NUP62: variants seen among roughly 807,000 people sequenced by gnomAD.
NUP62 encodes the protein nuclear pore glycoprotein p62.
For missense variants in NUP62, 647 were observed against 689.4 expected (o/e 0.94, Z 0.69); for synonymous variants, 305 against 303.4 (o/e 1.01, Z -0.05).
rs766278481 is a variant in NUP62 at position 49,908,332 on chromosome 19, C to T, written c.1476G>A (p.Ser492=). The change falls in exon 3 of 3, where the codon TCG becomes TCA. Residue 492 remains serine, a synonymous_variant. Coordinates refer to ENST00000352066, the MANE Select transcript of NUP62 (RefSeq NM_016553.5). ...CCTCCACCTTCCTCTGCAGCAGGGC[C>T]GAGTTCTGGTCGATCCACTGCAGTG... ...MDSLQWIDQN[S]ALLQRKVEEV... is the part of the protein sequence containing the mutation. 7 of 1,614,112 alleles carry T rather than the reference C, an allele frequency of 4.3e-6. No individual in the cohort carries two copies. The highest frequency in any genetic ancestry group is 1.1e-5 in the South Asian group (1 of 91,088).
intron 2 of NUP62, among the ~76,000 whole-genome samples, chr19:49,924,983 C>T (rs1293043607): frequency 6.6e-6 from 1 of 152,210 alleles, no homozygotes; most frequent in East Asian, 1.9e-4. Flanking sequence ...CACACCGGGC[C>T]AGGCGCGGTG....
intron 2 of NUP62, among the ~76,000 whole-genome samples, chr19:49,917,031 G>C (rs2122687873): frequency 6.6e-6 from 1 of 152,384 alleles, no homozygotes; most frequent in Admixed American, 6.5e-5. Flanking sequence ...AGACGGACAG[G>C]GTGCGGAGCT....
intron 2 of NUP62, among the ~76,000 whole-genome samples, chr19:49,914,843 A>G (rs1029983113): frequency 9.5e-5 from 14 of 147,020 alleles, no homozygotes; most frequent in Non-Finnish European, 1.5e-4. Flanking sequence ...GGGTTCAAGC[A>G]ATTCTCCCAC....
At chr19:49,910,481 C>T (rs983060129) in intron 2 of NUP62, among the ~76,000 whole-genome samples, 4 of 152,168 alleles carry the variant, frequency 2.6e-5, no homozygotes, top group Non-Finnish European at 5.9e-5. Flanking sequence ...GTCTGAAACC[C>T]ATGTGCTCAG....
chr19:49,919,834 A>C (rs1287660066), intron 2 of NUP62, among the ~76,000 whole-genome samples: 1 of 151,870 alleles, frequency 6.6e-6, no homozygotes, highest in African/African-American at 2.4e-5. Context: ...TTTGAGGAAT[A>C]CTCTGGTGCC....
chr19:49,924,989 C>T (rs1204679141), intron 2 of NUP62, among the ~76,000 whole-genome samples: 4 of 152,166 alleles, frequency 2.6e-5, no homozygotes, highest in African/African-American at 4.8e-5. Context: ...GGGCCAGGCG[C>T]GGTGGTTCAC....
Position 49,920,967 on chromosome 19 carries a change from G to A in NUP62, c.-78+6727C>T, listed in dbSNP as rs113474381. ...GCCCAGGCCGGGCTGTGGTGGAGACGGTTGCTATGGAGGTTTCTCTGGGAA... is the reference window on the plus strand; with the variant it reads ...GCCCAGGCCGGGCTGTGGTGGAGACAGTTGCTATGGAGGTTTCTCTGGGAA... On this transcript the variant is annotated intron_variant, in intron 2 of 2. Transcript: ENST00000352066. Among the ~76,000 whole-genome samples the A allele has an allele frequency of 3.3e-5, 5 of 152,278 alleles. 1 individual carries two copies. Among genetic ancestry groups the A allele is most frequent in the South Asian group, 2.1e-4 (1 of 4,820 alleles).
intron 2 of NUP62, among the ~76,000 whole-genome samples, chr19:49,914,194 A>C (rs2075559582): frequency 1.3e-5 from 2 of 152,218 alleles, no homozygotes; most frequent in South Asian, 4.1e-4. Flanking sequence ...GAACTTGGGA[A>C]GTTTCTCACA....
intron 2 of NUP62, among the ~76,000 whole-genome samples, chr19:49,914,726 G>GTTGT: frequency 1.8e-5 from 1 of 56,362 alleles, no homozygotes; most frequent in Non-Finnish European, 3.2e-5. Context: ...CCAAGTCCCA[G>GTTGT]TTTTTTTTTT....
Position 49,913,502 on chromosome 19 carries a change from C to A in NUP62, c.-77-3618G>T, listed in dbSNP as rs62126293. On this transcript the variant is annotated intron_variant, in intron 2 of 2. Transcript: ENST00000352066. ...GTCAGCAGACCTCAGTTCAGCCACA[C>A]GGGTGCGCCATGTCCTCCCCACAAC... Among the ~76,000 whole-genome samples the A allele has an allele frequency of 5.4e-3, 822 of 152,288 alleles. 9 individuals are homozygous for A. Among genetic ancestry groups the A allele is most frequent in the Non-Finnish European group, 8.7e-3 (590 of 68,020 alleles).
chr19:49,913,738 G>A (rs1211142214), intron 2 of NUP62, among the ~76,000 whole-genome samples: 3 of 152,184 alleles, frequency 2.0e-5, no homozygotes, highest in Non-Finnish European at 4.4e-5. Flanking sequence ...AAGCTTTGCT[G>A]AGCTCTGTGA....
chr19:49,929,122 G>GC (rs995496481), intron 1 of NUP62: 2 of 151,944 alleles, frequency 1.3e-5, no homozygotes, highest in Non-Finnish European at 2.9e-5. Context: ...TTGGGGCCGC[G>GC]CGAGGGCGGG....
Position 49,908,629 on chromosome 19 carries a change from G to C in NUP62, c.1179C>G (p.Leu393=). The part of the protein sequence containing the change: ...KLDQKRLDQE[L]DFILSQQKEL... ...CCTTCTGCTGGGACAGGATGAAGTC[G>C]AGCTCCTGGTCCAGCCTCTTCTGGT... Residue 393 remains leucine (L), a synonymous_variant, in exon 3 of 3, where the codon CTC becomes CTG. Transcript: ENST00000352066. 1 of 1,613,400 alleles carries C rather than the reference G, an allele frequency of 6.2e-7. No individual in the cohort carries two copies. The highest frequency in any genetic ancestry group is 8.5e-7 in the Non-Finnish European group (1 of 1,180,044).
chr19:49,926,850 A>G (rs2075903696), intron 2 of NUP62, among the ~76,000 whole-genome samples: 1 of 130,622 alleles, frequency 7.7e-6, no homozygotes, highest in Non-Finnish European at 1.6e-5. Flanking sequence ...CCTAAGAAGT[A>G]GGTACTTTTT....
intron 2 of NUP62, among the ~76,000 whole-genome samples, chr19:49,916,500 G>A (rs574629174): frequency 3.3e-5 from 5 of 151,816 alleles, no homozygotes; most frequent in East Asian, 1.9e-4. Flanking sequence ...TAGGCCAGGC[G>A]CGGTGGCTCA....
chr19:49,922,005 A>G (rs933754546), intron 2 of NUP62, among the ~76,000 whole-genome samples: 1 of 152,210 alleles, frequency 6.6e-6, no homozygotes, highest in African/African-American at 2.4e-5. Flanking sequence ...CACGACCACG[A>G]GGGACCAAGA....
intron 2 of NUP62, among the ~76,000 whole-genome samples, chr19:49,913,329 T>A (rs1389545758): frequency 6.6e-6 from 1 of 152,102 alleles, no homozygotes; most frequent in African/African-American, 2.4e-5. Flanking sequence ...TCCAGGAGAA[T>A]CTCTATGTTC....
chr19:49,924,148 G>A (rs1362171658), intron 2 of NUP62, among the ~76,000 whole-genome samples: 2 of 152,284 alleles, frequency 1.3e-5, no homozygotes, highest in East Asian at 3.9e-4. Flanking sequence ...CTACACCATG[G>A]GCCTCGGGGC....
chr19:49,915,157 T>G (rs926352374), intron 2 of NUP62, among the ~76,000 whole-genome samples: 12 of 151,852 alleles, frequency 7.9e-5, no homozygotes, highest in South Asian at 2.1e-4. Flanking sequence ...GCTATGTGTG[T>G]GGGGGGGTAG....
Sources: gnomAD v4.1 joint callset for allele counts (sites outside exome capture counted in the v4.1 genomes callset) on GRCh38, gnomAD v4.1.1 for gene constraint, MANE v1.5 for transcripts, NCBI Gene and HGNC (gene_info 2026-07-23, HGNC 2026-07-21) for gene names.